DPP7: variants seen among roughly 807,000 people sequenced by gnomAD.
The protein encoded by DPP7 is dipeptidyl peptidase 7.
A neutral mutation model predicts 58.8 loss-of-function variants in DPP7; 74 were observed. That is an observed-to-expected ratio of 1.26 (90% CI 1.04 to 1.53). DPP7 has a LOEUF of 1.53. DPP7 is among the 40% of genes most tolerant of loss of function. The pLI, the probability that DPP7 is intolerant of heterozygous loss-of-function variation, is 0.00. For missense variants in DPP7, 807 were observed against 692.3 expected (o/e 1.17, Z -1.86); for synonymous variants, 350 against 303.6 (o/e 1.15, Z -1.59).
chr9:137,116,611 G>A (rs140521466), upstream of DPP7, among the ~76,000 whole-genome samples: 3,803 of 152,300 alleles, frequency 0.025, 112 homozygotes, highest in African/African-American at 0.048. Context: ...CCAGTGAGAC[G>A]GCCTGAGATA....
At position 137,113,443 on chromosome 9, in the gene DPP7, G is replaced by A. The variant is rs768405690; in HGVS notation, c.539C>T (p.Ala180Val). The change falls in exon 5 of 13, where the codon GCG becomes GTG. Residue 180 changes from alanine (A) to valine (V), a missense_variant. Physicochemically the swap from Ala to Val is moderately conservative, Grantham distance 64. Around this residue, in one of 3 missense-constraint regions of DPP7, gnomAD observed 624 missense variants for 531.2 expected, o/e 1.17. Transcript: ENST00000371579. Reference protein sequence around the residue: ...YLRMKYPHLVAGALAASAPVL... With the variant: ...YLRMKYPHLVVGALAASAPVL... ...GGGCGCGCTGGCCGCCAGCGCCCCC[G>A]CCACCAGGTGGGGATACTTCATCCT... is the stretch of plus-strand genomic sequence containing the variant. The A allele has an allele frequency of 1.5e-5, 24 of 1,604,502 alleles. No individual in the cohort carries two copies. In the Admixed American group the frequency reaches 3.1e-4, roughly 20 times the overall value.
In DPP7 at chr9:137,114,447, G is replaced by C; in HGVS notation, c.181+16C>G. Reference sequence around the variant, plus strand: ...GCGGGACGGCGGGGGCGGCCGGGCCGGGGCCGGGGTCTCACCCGACACCAG... The same window carrying C: ...GCGGGACGGCGGGGGCGGCCGGGCCCGGGCCGGGGTCTCACCCGACACCAG... On this transcript the variant is annotated intron_variant, in intron 2 of 12. Transcript: ENST00000371579. The C allele has an allele frequency of 6.4e-7, 1 of 1,556,926 alleles. No homozygotes were observed. The highest frequency in any genetic ancestry group is 8.7e-7 in the Non-Finnish European group (1 of 1,151,468).
chr9:137,111,780 T>C lies in DPP7; in HGVS notation c.1208-26A>G, dbSNP rs372692652. ...CTGCAAGGGGCAGAGAAAGTTGTGA[T>C]GTGGGCCCCTCACGGGGGCTGTGAG... On this transcript the variant is annotated intron_variant, in intron 10 of 12. Coordinates refer to ENST00000371579, the MANE Select transcript of DPP7 (RefSeq NM_013379.3). 5 of 1,613,522 alleles carry C rather than the reference T, an allele frequency of 3.1e-6. No individual in the cohort carries two copies. In the African/African-American group the frequency reaches 5.3e-5, roughly 17 times the overall value.
rs202015278 is a variant in DPP7, at chr9:137,112,272, C to T, written c.932-42G>A. ...CTGGGGCCCAGCGGCCACACACAGA[C>T]ACACCGCGGGCTCCGGCCACCAACC... is the stretch of plus-strand genomic sequence containing the variant. On this transcript the variant is annotated intron_variant, in intron 8 of 12. Transcript: ENST00000371579. 1.6e-5 allele frequency: 24 copies of T among 1,525,414 alleles called. No individual in the cohort carries two copies. In the East Asian group the frequency reaches 3.5e-4, roughly 22 times the overall value. 94.5% of individuals were successfully genotyped at this position (1,525,414 alleles called of 1,614,324 possible). A position where few individuals can be genotyped will look rare whatever the true frequency, so the allele number is the denominator to read the frequency against.
At chr9:137,114,064 CCCG>C (rs2131155974) in intron 3 of DPP7, 36 bp from the exon 4 acceptor site, 2 of 1,263,784 alleles carry the variant, frequency 1.6e-6, no homozygotes, top group East Asian at 6.2e-5. Context: ...GCCCCGCGAC[CCCG>C]CCCGGCACCC....
At chr9:137,114,800 C>T (rs900157222), upstream of DPP7, 23 of 963,000 alleles carry the variant, frequency 2.4e-5, no homozygotes, top group African/African-American at 2.2e-4. Flanking sequence ...GTGTTTCGGG[C>T]GCCCGCGGTC....
upstream of DPP7, among the ~76,000 whole-genome samples, chr9:137,117,871 G>A (rs901533883): frequency 2.6e-5 from 4 of 152,010 alleles, no homozygotes; most frequent in Non-Finnish European, 5.9e-5. Context: ...ATCACCCCCA[G>A]TAGAAACTGT....
intron 8 of DPP7, 67 bp from the exon 9 acceptor site, chr9:137,112,297 C>T: frequency 7.5e-7 from 1 of 1,327,390 alleles, no homozygotes; most frequent in African/African-American, 1.4e-5. Flanking sequence ...GGCCACCAAC[C>T]TGTCCCCCCT....
upstream of DPP7, among the ~76,000 whole-genome samples, chr9:137,116,925 G>A (rs1422476662): frequency 3.3e-5 from 5 of 152,218 alleles, no homozygotes; most frequent in African/African-American, 9.7e-5. Flanking sequence ...TCTGGCCTAC[G>A]TGCACATCCG....
rs1470609993 is a variant in DPP7, at chr9:137,110,862, G to GTT, written c.1343+17_1343+18insAA. On this transcript the variant is annotated intron_variant, in intron 12 of 12. Transcript: ENST00000371579. ...CCCGCCCGACCCGCGACCACCGCCA[G>GTT]GCCACCTCCCTCCGCACCTGAGGTC... The GTT allele has an allele frequency of 6.2e-7, 1 of 1,609,672 alleles. No individual in the cohort carries two copies. Among genetic ancestry groups the GTT allele is most frequent in the African/African-American group, 1.3e-5 (1 of 74,888 alleles).
chr9:137,111,595 G>T, intron 11 of DPP7, 95 bp downstream of exon 11: 1 of 1,407,812 alleles, frequency 7.1e-7, no homozygotes, highest in Non-Finnish European at 9.9e-7. Flanking sequence ...CCCTGATCTC[G>T]CCACTGTATT....
intron 8 of DPP7, 167 bp downstream of exon 8, chr9:137,112,578 G>A: frequency 1.2e-6 from 1 of 859,212 alleles, no homozygotes; most frequent in Non-Finnish European, 1.8e-6. Flanking sequence ...GACGGCCCCT[G>A]CCTCCCCCAG....
At position 137,113,296 on chromosome 9, in the gene DPP7, A is replaced by G. The variant is rs371738119; in HGVS notation, c.622-9T>C. 4.3e-5 allele frequency: 70 copies of G among 1,613,508 alleles called. No homozygotes were observed. In the African/African-American group the frequency reaches 8.1e-4, roughly 19 times the overall value. On this transcript the variant is annotated splice_polypyrimidine_tract_variant and intron_variant, in intron 5 of 12. Transcript: ENST00000371579. ...CTCTGGCCCTCAAAGTCCTGGGGGAAAGAGACCGTGCTGACTGCAGCTGCT... is the reference window on the plus strand; with the variant it reads ...CTCTGGCCCTCAAAGTCCTGGGGGAGAGAGACCGTGCTGACTGCAGCTGCT...
rs1332265405 is a variant in DPP7, at chr9:137,112,731, CG to C, written c.931+13del. On this transcript the variant is annotated intron_variant, in intron 8 of 12. Transcript: ENST00000371579. ...GTCTCCACACTTGCCCATCTGGGGC[CG>C]GGGGAAGGGCACCTGCCAGTGCTCG... The C allele has an allele frequency of 5.7e-6, 9 of 1,587,598 alleles. No homozygotes were observed. Among genetic ancestry groups the C allele is most frequent in the East Asian group, 4.6e-5 (2 of 43,846 alleles).
chr9:137,110,667 C>T lies in DPP7; in HGVS notation c.1460G>A (p.Gly487Glu). The stretch of plus-strand genomic sequence containing the variant: ...CTGTGCTCAGAGGCTGAGTCTGGGC[C>T]CCCCACGCAGAGCTGGCTGCTGCTC... ...RREQQPALRGGPRLSL is the reference protein window; with the variant it reads ...RREQQPALRGEPRLSL Residue 487 changes from glycine (G) to glutamate (E), a missense_variant, in exon 13 of 13, where the codon GGG (glycine) becomes GAG (glutamate). Physicochemically the swap from Gly to Glu is moderately conservative, Grantham distance 98. Around this residue, in one of 3 missense-constraint regions of DPP7, gnomAD observed 624 missense variants for 531.2 expected, o/e 1.17. Coordinates refer to ENST00000371579, the MANE Select transcript of DPP7 (RefSeq NM_013379.3). 3 of 1,609,976 alleles carry T rather than the reference C, an allele frequency of 1.9e-6. No individual in the cohort carries two copies. The highest frequency in any genetic ancestry group is 2.5e-6 in the Non-Finnish European group (3 of 1,179,924).
rs758451577 is a variant in DPP7 at position 137,111,941 on chromosome 9, C to A, written c.1139G>T (p.Arg380Leu). 6.2e-7 allele frequency: 1 copy of A among 1,613,466 alleles called. No individual in the cohort carries two copies. The highest frequency in any genetic ancestry group is 1.3e-5 in the African/African-American group (1 of 74,960). The stretch of plus-strand genomic sequence containing the variant: ...CACGCCCCAGGTGTCCAGGCAGTAC[C>A]GCTGGCGGAGCTCGTCAGTGAAGGG... ...DLPFTDELRQRYCLDTWGVWP... is the reference protein window; with the variant it reads ...DLPFTDELRQLYCLDTWGVWP... The change falls in exon 10 of 13, where the codon CGG (arginine) becomes CTG (leucine). Residue 380 changes from arginine to leucine, a missense_variant. Transcript: ENST00000371579.
Position 137,113,852 on chromosome 9 carries a change from G to C in DPP7, c.485+13C>G. On this transcript the variant is annotated intron_variant, in intron 4 of 12. Coordinates refer to ENST00000371579, the MANE Select transcript of DPP7 (RefSeq NM_013379.3). ...GGGAGGGAGGGGGTGCGGAGGCCGG[G>C]GGAGGCGCCCACCTTCCACCGAAGG... is the stretch of plus-strand genomic sequence containing the variant. 6.6e-7 allele frequency: 1 copy of C among 1,504,400 alleles called. No homozygotes were observed. Among genetic ancestry groups the C allele is most frequent in the Non-Finnish European group, 8.9e-7 (1 of 1,127,320 alleles). The allele number at this position is 1,504,400 out of a possible 1,614,324, so 93.2% of individuals were successfully genotyped here.
chr9:137,110,629 G>C lies in DPP7; in HGVS notation c.*19C>G. 1 of 1,605,794 alleles carries C rather than the reference G, an allele frequency of 6.2e-7. No homozygotes were observed. Among genetic ancestry groups the C allele is most frequent in the Non-Finnish European group, 8.5e-7 (1 of 1,177,310 alleles). ...GCCCCCACTCCATGAGGAGCCTTGA[G>C]ACCCCTCCAGTCCTGTGCTCAGAGG... On this transcript the variant is annotated 3_prime_UTR_variant, in exon 13 of 13. Coordinates refer to ENST00000371579, the MANE Select transcript of DPP7 (RefSeq NM_013379.3).
upstream of DPP7, among the ~76,000 whole-genome samples, chr9:137,117,325 G>C (rs149027816): frequency 6.6e-6 from 1 of 152,248 alleles, no homozygotes; most frequent in Non-Finnish European, 1.5e-5. Flanking sequence ...GCAGGGCACA[G>C]TAGGTCACCC....
Sources: gnomAD v4.1 joint callset for allele counts (sites outside exome capture counted in the v4.1 genomes callset) on GRCh38, gnomAD v4.1.1 for gene constraint, gnomAD v4.1.1 regional missense constraint, MANE v1.5 for transcripts, NCBI Gene and HGNC (gene_info 2026-07-23, HGNC 2026-07-21) for gene names.